PTPN4: variants seen among roughly 807,000 people sequenced by gnomAD.
PTPN4 encodes protein tyrosine phosphatase non-receptor type 4.
PTPN4 carries 49 observed loss-of-function variants against 135.5 expected under a neutral mutation model. The observed-to-expected ratio is 0.36, with a 90% CI of 0.29 to 0.46. The LOEUF (loss-of-function observed/expected upper bound fraction) is 0.46, where lower values mean the gene tolerates loss of function less well. Among genes scored for constraint, PTPN4 ranks in the 20% least tolerant of loss-of-function variants. The pLI is 1.00. For synonymous variants in PTPN4, 333 were observed against 369.9 expected, an observed-to-expected ratio of 0.90 and a Z score of 1.14; for missense variants, 860 against 1,101.0, an observed-to-expected ratio of 0.78 and a Z score of 3.10.
intron 2 of PTPN4, among the ~76,000 whole-genome samples, chr2:119,859,363 C>T (rs532017691): frequency 4.6e-5 from 7 of 152,142 alleles, no homozygotes; most frequent in Non-Finnish European, 8.8e-5. Flanking sequence ...GACTTTGGAT[C>T]GCATTTAATT....
chr2:119,836,440 C>G (rs1334900255), intron 2 of PTPN4, among the ~76,000 whole-genome samples: 1 of 152,262 alleles, frequency 6.6e-6, no homozygotes, highest in Non-Finnish European at 1.5e-5. Flanking sequence ...AATAAGAACT[C>G]AGCCTTAGTG....
chr2:119,935,081 GTA>G (rs1210643086), intron 15 of PTPN4, 123 bp downstream of exon 15: 2 of 1,161,518 alleles, frequency 1.7e-6, no homozygotes, highest in African/African-American at 3.1e-5. Context: ...TTCAAAATGT[GTA>G]TGTTTGCAAT....
rs1244850647 is a variant in PTPN4 at position 119,857,860 on chromosome 2, C to T, written c.139-4676C>T. Reference sequence around the variant, plus strand: ...TCCTGATATGGTTTGGATGTTTGTCCCCTCCAAATCTCATGCTGAAATGTG... The same window carrying T: ...TCCTGATATGGTTTGGATGTTTGTCTCCTCCAAATCTCATGCTGAAATGTG... On this transcript the variant is annotated intron_variant, in intron 2 of 26. Transcript: ENST00000263708. 2.0e-5 allele frequency among the ~76,000 whole-genome samples: 3 copies of T among 151,944 alleles called. No individual in the cohort carries two copies. In the East Asian group the frequency reaches 5.8e-4, roughly 29 times the overall value.
At chr2:119,900,853 A>G in intron 10 of PTPN4, 47 bp downstream of exon 10, 1 of 1,130,222 alleles carries the variant, frequency 8.8e-7, no homozygotes, top group Non-Finnish European at 1.3e-6. Flanking sequence ...GTATTACTAA[A>G]TATAATAATT....
At position 119,967,981 on chromosome 2, in the gene PTPN4, T is replaced by C; in HGVS notation, c.2694+9T>C. The C allele has an allele frequency of 6.4e-7, 1 of 1,565,420 alleles. No individual in the cohort carries two copies. Among genetic ancestry groups the C allele is most frequent in the Non-Finnish European group, 8.7e-7 (1 of 1,149,026 alleles). ...TGATGATCCAAACACCTGTGAGTAC[T>C]GTACTTTATATACAAGTGTATATTC... On this transcript the variant is annotated intron_variant, in intron 26 of 26. Coordinates refer to ENST00000263708, the MANE Select transcript of PTPN4 (RefSeq NM_002830.4).
intron 15 of PTPN4, among the ~76,000 whole-genome samples, chr2:119,942,718 T>C (rs1162151665): frequency 6.6e-6 from 1 of 152,178 alleles, no homozygotes; most frequent in Non-Finnish European, 1.5e-5. Flanking sequence ...AACTGCCTTT[T>C]AAAAATGTTG....
At chr2:119,885,962 A>T in intron 9 of PTPN4, 80 bp downstream of exon 9, 2 of 971,372 alleles carry the variant, frequency 2.1e-6, no homozygotes, top group Non-Finnish European at 1.5e-6. Context: ...TTAGATAACA[A>T]ATGGAATAAG....
chr2:119,855,698 T>G (rs1270199652), intron 2 of PTPN4, among the ~76,000 whole-genome samples: 2 of 152,120 alleles, frequency 1.3e-5, no homozygotes, highest in African/African-American at 4.8e-5. Context: ...AGTCCAGATG[T>G]CTCCAGTTCC....
intron 14 of PTPN4, 95 bp from the exon 15 acceptor site, chr2:119,934,705 C>A: frequency 7.9e-7 from 1 of 1,271,944 alleles, no homozygotes; most frequent in South Asian, 1.3e-5. Context: ...GACTTAAAAA[C>A]ACATACCCCC....
intron 15 of PTPN4, among the ~76,000 whole-genome samples, chr2:119,938,808 T>C (rs1178166959): frequency 6.6e-6 from 1 of 152,168 alleles, no homozygotes; most frequent in Non-Finnish European, 1.5e-5. Flanking sequence ...ATAAATTGGC[T>C]TCTGAGAAAC....
At chr2:119,927,821 T>A (rs891303232) in intron 13 of PTPN4, among the ~76,000 whole-genome samples, 2 of 152,220 alleles carry the variant, frequency 1.3e-5, no homozygotes, top group African/African-American at 2.4e-5. Context: ...TTGTTTAAAT[T>A]TTGTTCTTAA....
chr2:119,915,182 G>T lies in PTPN4; in HGVS notation c.768G>T (p.Leu256Phe). ...NRVRMNTFPW[L>F]KIVKISFKCK... is the part of the protein sequence containing the mutation. ...TAATTTATTGTCTTTTGTCCAGGTT[G>T]AAGATTGTAAAAATTTCTTTTAAGT... Residue 256 changes from leucine (L) to phenylalanine (F), a missense_variant, in exon 11 of 27, where the codon TTG becomes TTT. Leu to Phe is a conservative substitution (Grantham distance 22). Transcript: ENST00000263708. The T allele has an allele frequency of 6.5e-7, 1 of 1,538,940 alleles. No individual in the cohort carries two copies. The highest frequency in any genetic ancestry group is 1.2e-5 in the South Asian group (1 of 80,208).
At chr2:119,884,988 A>G (rs904615453) in intron 8 of PTPN4, among the ~76,000 whole-genome samples, 1 of 152,190 alleles carries the variant, frequency 6.6e-6, no homozygotes, top group Non-Finnish European at 1.5e-5. Context: ...GAGTAAATCT[A>G]TTTTTAAAGG....
intron 1 of PTPN4, among the ~76,000 whole-genome samples, chr2:119,777,832 T>C (rs918705400): frequency 1.7e-4 from 26 of 151,560 alleles, no homozygotes; most frequent in East Asian, 3.9e-4. Context: ...TTTTTTTTTT[T>C]CCCCTAAGAG....
At chr2:119,788,277 C>T (rs1415707709) in intron 1 of PTPN4, among the ~76,000 whole-genome samples, 1 of 151,980 alleles carries the variant, frequency 6.6e-6, no homozygotes, top group Non-Finnish European at 1.5e-5. Context: ...TAAGAGAGAT[C>T]ACAAATTAAG....
intron 1 of PTPN4, among the ~76,000 whole-genome samples, chr2:119,778,111 C>T (rs1238338852): frequency 2.0e-5 from 3 of 151,806 alleles, no homozygotes; most frequent in East Asian, 1.9e-4. Context: ...ATACCACATA[C>T]ACTATAAGAC....
intron 25 of PTPN4, among the ~76,000 whole-genome samples, chr2:119,967,405 C>T (rs1467246324): frequency 6.6e-6 from 1 of 151,712 alleles, no homozygotes; most frequent in Non-Finnish European, 1.5e-5. Context: ...GCCGAGATCG[C>T]ACCACTGCAC....
chr2:119,771,957 T>C (rs1440099781), intron 1 of PTPN4, among the ~76,000 whole-genome samples: 1 of 152,190 alleles, frequency 6.6e-6, no homozygotes, highest in African/African-American at 2.4e-5. Flanking sequence ...TCTTTTGTTA[T>C]CTCTCCATCT....
At chr2:119,949,943 G>T (rs1028800986) in intron 18 of PTPN4, among the ~76,000 whole-genome samples, 1 of 151,980 alleles carries the variant, frequency 6.6e-6, no homozygotes, top group African/African-American at 2.4e-5. Flanking sequence ...CTCTGTATGT[G>T]TGTATATATA....
Sources: gnomAD v4.1 joint callset for allele counts (sites outside exome capture counted in the v4.1 genomes callset) on GRCh38, gnomAD v4.1.1 for gene constraint, MANE v1.5 for transcripts, NCBI Gene and HGNC (gene_info 2026-07-23, HGNC 2026-07-21) for gene names.